Variants in DAPK1 observed in about 807,000 individuals in gnomAD.
DAPK1 encodes the protein death-associated protein kinase 1.
In DAPK1, 56 loss-of-function variants were observed where a neutral mutation model predicts 144.9. The observed-to-expected ratio is 0.39, with a 90% CI of 0.31 to 0.48. The LOEUF is 0.48. Ranked by LOEUF, DAPK1 falls within the 20% of genes least tolerant of loss-of-function variation. The pLI is 0.95. For missense variants in DAPK1, 1,454 were observed against 1,875.4 expected (o/e 0.78, Z 4.15); for synonymous variants, 690 against 749.0 (o/e 0.92, Z 1.29).
At chr9:87,650,902 C>T (rs142096296) in intron 16 of DAPK1, among the ~76,000 whole-genome samples, 2 of 152,268 alleles carry the variant, frequency 1.3e-5, no homozygotes, top group African/African-American at 4.8e-5. Flanking sequence ...ATGCCAATAG[C>T]GCTGAGGCTG....
intron 19 of DAPK1, among the ~76,000 whole-genome samples, chr9:87,678,828 A>C (rs1270813030): frequency 6.6e-6 from 1 of 152,180 alleles, no homozygotes; most frequent in Non-Finnish European, 1.5e-5. Context: ...GTGGGAACTA[A>C]AATGCCACCT....
intron 2 of DAPK1, among the ~76,000 whole-genome samples, chr9:87,533,275 T>C (rs1439533571): frequency 6.6e-6 from 1 of 152,278 alleles, no homozygotes; most frequent in African/African-American, 2.4e-5. Context: ...TTGGGAGAAC[T>C]ACATTTACCA....
At chr9:87,669,200 T>C (rs999915754) in intron 19 of DAPK1, among the ~76,000 whole-genome samples, 5 of 152,236 alleles carry the variant, frequency 3.3e-5, no homozygotes, top group African/African-American at 1.2e-4. Flanking sequence ...ACTGCAGTAT[T>C]ATTTATAATA....
chr9:87,557,345 G>A (rs183063908), intron 2 of DAPK1, among the ~76,000 whole-genome samples: 6 of 152,270 alleles, frequency 3.9e-5, no homozygotes, highest in South Asian at 2.1e-4. Flanking sequence ...CCTTCCTGTC[G>A]TGTTCTTTCT....
At chr9:87,580,009 T>G (rs913673648) in intron 2 of DAPK1, among the ~76,000 whole-genome samples, 7 of 152,166 alleles carry the variant, frequency 4.6e-5, no homozygotes, top group African/African-American at 1.7e-4. Flanking sequence ...CTCACTGGTA[T>G]ATAGAGAATG....
chr9:87,544,983 G>A (rs1488034543), intron 2 of DAPK1, among the ~76,000 whole-genome samples: 1 of 152,148 alleles, frequency 6.6e-6, no homozygotes, highest in Non-Finnish European at 1.5e-5. Flanking sequence ...CTGGACCTGA[G>A]GACAGGCCCA....
chr9:87,533,548 C>T (rs566824683), intron 2 of DAPK1, among the ~76,000 whole-genome samples: 102 of 152,166 alleles, frequency 6.7e-4, no homozygotes, highest in Non-Finnish European at 3.1e-4. Flanking sequence ...CTTTGAAAGA[C>T]GTAGGCAACC....
At chr9:87,689,843 A>G (rs1278539307) in intron 21 of DAPK1, among the ~76,000 whole-genome samples, 2 of 152,102 alleles carry the variant, frequency 1.3e-5, no homozygotes, top group African/African-American at 4.8e-5. Flanking sequence ...TGAGTTTTCT[A>G]TTCTGTTCCA....
At chr9:87,598,122 A>G (rs1234708486) in intron 2 of DAPK1, among the ~76,000 whole-genome samples, 4 of 152,094 alleles carry the variant, frequency 2.6e-5, no homozygotes, top group Admixed American at 6.5e-5. Flanking sequence ...CTCACCCCTT[A>G]CCTACAACCT....
chr9:87,575,533 C>T (rs1238796290), intron 2 of DAPK1, among the ~76,000 whole-genome samples: 2 of 152,078 alleles, frequency 1.3e-5, no homozygotes, highest in Non-Finnish European at 2.9e-5. Flanking sequence ...AAAAACAAAG[C>T]CCTGAGCTGG....
At chr9:87,518,104 TG>T (rs1383262733) in intron 2 of DAPK1, among the ~76,000 whole-genome samples, 306 of 27,902 alleles carry the variant, frequency 0.011, 3 homozygotes, top group African/African-American at 0.023. Context: ...TTTATGTTGT[TG>T]TTTTTTTTTT....
At chr9:87,517,669 T>C (rs183373415) in intron 2 of DAPK1, among the ~76,000 whole-genome samples, 66 of 152,288 alleles carry the variant, frequency 4.3e-4, no homozygotes, top group African/African-American at 1.4e-3. Flanking sequence ...TTAAGATGCA[T>C]AGTGTGTTGT....
At position 87,706,972 on chromosome 9, in the gene DAPK1, C is replaced by T. The variant is rs1266855123; in HGVS notation, c.3901C>T (p.His1301Tyr). ...YSQASLGMDI[H>Y]ASDLNLLTRR... ...ACAGGCCAGCCTCGGCATGGACATC[C>T]ATGCATCAGACCTGAACCTCCTCAC... The change falls in exon 26 of 26, where the codon CAT (histidine) becomes TAT (tyrosine). Residue 1301 changes from histidine to tyrosine, a missense_variant. By Grantham distance (83) the His-to-Tyr change is moderately conservative. Coordinates refer to ENST00000408954, the MANE Select transcript of DAPK1 (RefSeq NM_004938.4). The surrounding 1 kb of genome is among the most constrained non-coding windows in gnomAD (Gnocchi z 9.0). The T allele has an allele frequency of 6.2e-7, 1 of 1,613,300 alleles. No homozygotes were observed.
chr9:87,569,418 A>C (rs889184107), intron 2 of DAPK1, among the ~76,000 whole-genome samples: 1 of 152,226 alleles, frequency 6.6e-6, no homozygotes, highest in South Asian at 2.1e-4. Flanking sequence ...GTGATCATTG[A>C]CTTATGTGCT....
intron 17 of DAPK1, among the ~76,000 whole-genome samples, chr9:87,657,188 G>A (rs1364626079): frequency 1.3e-5 from 2 of 152,114 alleles, no homozygotes; most frequent in Non-Finnish European, 2.9e-5. Context: ...CTTAGTAACC[G>A]CTTATGTCCT....
chr9:87,646,388 C>G, intron 12 of DAPK1, 73 bp from the exon 13 acceptor site: 1 of 1,086,862 alleles, frequency 9.2e-7, no homozygotes. Flanking sequence ...TGTGTGGTAA[C>G]AGCAATCATC....
Position 87,576,055 on chromosome 9 carries a change from G to T in DAPK1, c.63-28899G>T, listed in dbSNP as rs141506579. Among the ~76,000 whole-genome samples the T allele has an allele frequency of 2.3e-3, 353 of 152,330 alleles. 1 individual carries two copies. Among genetic ancestry groups the T allele is most frequent in the African/African-American group, 7.7e-3 (318 of 41,564 alleles). ...TTTGCTTTTTCTCTAACAAGCTCAG[G>T]TTAGCGGTAGTCAGATGTCTCAGTG... On this transcript the variant is annotated intron_variant, in intron 2 of 25. Transcript: ENST00000408954.
intron 2 of DAPK1, among the ~76,000 whole-genome samples, chr9:87,516,344 C>A (rs1282467656): frequency 1.3e-5 from 2 of 152,180 alleles, no homozygotes. Context: ...TCCCAGCGGG[C>A]CCGTTCTCCC....
chr9:87,509,846 T>G (rs1323185816), intron 2 of DAPK1, among the ~76,000 whole-genome samples: 1 of 152,250 alleles, frequency 6.6e-6, no homozygotes, highest in Non-Finnish European at 1.5e-5. Context: ...TTCTTTTCCT[T>G]CTGCACCACA....
Sources: gnomAD v4.1 joint callset for allele counts (sites outside exome capture counted in the v4.1 genomes callset) on GRCh38, gnomAD v4.1.1 for gene constraint, Gnocchi (gnomAD v3.1) non-coding constraint, MANE v1.5 for transcripts, NCBI Gene and HGNC (gene_info 2026-07-23, HGNC 2026-07-21) for gene names.